Variants in NXPH1 observed in about 807,000 individuals in gnomAD.
NXPH1 encodes the protein neurexophilin 1.
Under a neutral mutation model 23.7 loss-of-function variants are expected in NXPH1, and 5 were observed. That is an observed-to-expected ratio of 0.21 (90% CI 0.11 to 0.44). The LOEUF (loss-of-function observed/expected upper bound fraction) is 0.44, where lower values mean the gene tolerates loss of function less well. NXPH1 is among the 20% of genes least tolerant of loss of function. NXPH1 has a pLI of 0.99. For missense variants in NXPH1, 324 were observed against 321.6 expected (o/e 1.01, Z -0.06); for synonymous variants, 144 against 122.2 (o/e 1.18, Z -1.18).
chr7:8,495,422 G>A (rs558553094), intron 2 of NXPH1, among the ~76,000 whole-genome samples: 39 of 151,944 alleles, frequency 2.6e-4, no homozygotes, highest in African/African-American at 8.7e-4. Flanking sequence ...CCAAACAACC[G>A]AACACCATGT....
intron 2 of NXPH1, among the ~76,000 whole-genome samples, chr7:8,454,045 C>T (rs956514366): frequency 1.3e-5 from 2 of 152,034 alleles, no homozygotes; most frequent in African/African-American, 4.8e-5. Flanking sequence ...ATGATGAGAA[C>T]ACATGGACAT....
intron 2 of NXPH1, among the ~76,000 whole-genome samples, chr7:8,746,145 A>G (rs1030847217): frequency 3.3e-5 from 5 of 152,180 alleles, no homozygotes; most frequent in Admixed American, 1.3e-4. Flanking sequence ...TTGTAGTCTC[A>G]CTATACAGCT....
At chr7:8,657,399 G>C (rs116214355) in intron 2 of NXPH1, among the ~76,000 whole-genome samples, 1 of 152,150 alleles carries the variant, frequency 6.6e-6, no homozygotes, top group Non-Finnish European at 1.5e-5. Context: ...GATAATTCCT[G>C]TATTCTTTTG....
intron 2 of NXPH1, among the ~76,000 whole-genome samples, chr7:8,633,762 T>C (rs557708608): frequency 6.6e-6 from 1 of 152,308 alleles, no homozygotes; most frequent in African/African-American, 2.4e-5. Flanking sequence ...CTGACAACAA[T>C]GCATGTTTGA....
chr7:8,699,731 T>C (rs1206243474), intron 2 of NXPH1, among the ~76,000 whole-genome samples: 4 of 152,118 alleles, frequency 2.6e-5, no homozygotes, highest in Non-Finnish European at 4.4e-5. Flanking sequence ...TGGGCCACTT[T>C]GCATTGGAAA....
rs184191585 is a variant in NXPH1 at position 8,735,757 on chromosome 7, A to C, written c.55-15251A>C. ...CTCGGTAGAATGCTACTGTGAATTC[A>C]TCTGGTTCTGGGCTTTTTTTGGTTG... On this transcript the variant is annotated intron_variant, in intron 2 of 2. Coordinates refer to ENST00000405863, the MANE Select transcript of NXPH1 (RefSeq NM_152745.3). Among the ~76,000 whole-genome samples, 29 of 152,292 alleles carry C rather than the reference A, an allele frequency of 1.9e-4. No homozygotes were observed. The East Asian group carries it at 5.4e-3, about 28-fold the overall frequency.
At chr7:8,604,729 A>G (rs1583186872) in intron 2 of NXPH1, among the ~76,000 whole-genome samples, 2 of 152,148 alleles carry the variant, frequency 1.3e-5, no homozygotes, top group South Asian at 2.1e-4. Context: ...GCAGGTTCCA[A>G]TATGGTACTA....
chr7:8,661,500 T>G lies in NXPH1; in HGVS notation c.55-89508T>G, dbSNP rs182625036. On this transcript the variant is annotated intron_variant, in intron 2 of 2. Transcript: ENST00000405863. ...GCTTTTAGCAGCCTGAAGTCATGTT[T>G]TTTGTTTTCTGTCTGAAGTGGTAAG... 1.6e-4 allele frequency among the ~76,000 whole-genome samples: 24 copies of G among 152,262 alleles called. No individual in the cohort carries two copies. The East Asian group carries it at 3.7e-3, about 23-fold the overall frequency.
intron 2 of NXPH1, among the ~76,000 whole-genome samples, chr7:8,470,667 A>G (rs75783982): frequency 0.016 from 2,437 of 152,252 alleles, 63 homozygotes; most frequent in African/African-American, 0.053. Context: ...CCCACCTTTA[A>G]GACTCTTGCT....
intron 2 of NXPH1, among the ~76,000 whole-genome samples, chr7:8,741,905 TA>T (rs1384343536): frequency 6.6e-6 from 1 of 152,022 alleles, no homozygotes; most frequent in Non-Finnish European, 1.5e-5. Flanking sequence ...ACACATGGCA[TA>T]AAATAGAAAG....
chr7:8,473,535 T>A (rs1268968702), intron 2 of NXPH1, among the ~76,000 whole-genome samples: 1 of 152,106 alleles, frequency 6.6e-6, no homozygotes, highest in Non-Finnish European at 1.5e-5. Flanking sequence ...TATTGGAGGT[T>A]TTCCATGTAA....
At position 8,442,848 on chromosome 7, in the gene NXPH1, C is replaced by T. The variant is rs1201727246; in HGVS notation, c.54+7081C>T. ...TTCTGGGTAATTTTCGTCGACGCCACCAAGCTTCGGTGCTTTTGGGACAGC... is the reference window on the plus strand; with the variant it reads ...TTCTGGGTAATTTTCGTCGACGCCATCAAGCTTCGGTGCTTTTGGGACAGC... On this transcript the variant is annotated intron_variant, in intron 2 of 2. Transcript: ENST00000405863. This position sits in a 1 kb window ranked among gnomAD's most constrained non-coding sequence, Gnocchi z 4.6. Among the ~76,000 whole-genome samples, 1 of 152,248 alleles carries T rather than the reference C, an allele frequency of 6.6e-6. No individual in the cohort carries two copies. Among genetic ancestry groups the T allele is most frequent in the Non-Finnish European group, 1.5e-5 (1 of 68,042 alleles).
intron 2 of NXPH1, among the ~76,000 whole-genome samples, chr7:8,514,904 C>T (rs1356089612): frequency 6.6e-6 from 1 of 152,086 alleles, no homozygotes; most frequent in Non-Finnish European, 1.5e-5. Flanking sequence ...GTCTTAGTTT[C>T]CAAATGTTTT....
chr7:8,717,911 T>TATAC (rs1465301244), intron 2 of NXPH1, among the ~76,000 whole-genome samples: 19 of 151,060 alleles, frequency 1.3e-4, no homozygotes, highest in African/African-American at 3.4e-4. Flanking sequence ...TATATATATA[T>TATAC]ACACAACATG....
intron 2 of NXPH1, among the ~76,000 whole-genome samples, chr7:8,497,549 C>T (rs1421389123): frequency 1.3e-5 from 2 of 152,218 alleles, no homozygotes; most frequent in South Asian, 2.1e-4. Context: ...TTAATGATCG[C>T]CATTCTAACT....
intron 2 of NXPH1, among the ~76,000 whole-genome samples, chr7:8,685,541 C>G (rs1202373105): frequency 1.3e-5 from 2 of 151,844 alleles, no homozygotes; most frequent in Non-Finnish European, 2.9e-5. Flanking sequence ...CAAATCTTAG[C>G]TATTGTAAAC....
At chr7:8,608,177 G>A (rs1208492639) in intron 2 of NXPH1, among the ~76,000 whole-genome samples, 2 of 152,156 alleles carry the variant, frequency 1.3e-5, no homozygotes, top group African/African-American at 2.4e-5. Flanking sequence ...GCAGCCTGAG[G>A]AAACTAATAC....
rs56019801 is a variant in NXPH1 at position 8,745,719 on chromosome 7, A to ATTTTT, written c.55-5271_55-5267dup. ...AGGCATGTGCCACCACGCCCAGCTA[A>ATTTTT]TTTTTTTTTTTTTTTTTTTTTTGTA... On this transcript the variant is annotated intron_variant, in intron 2 of 2. Coordinates refer to ENST00000405863, the MANE Select transcript of NXPH1 (RefSeq NM_152745.3). Among the ~76,000 whole-genome samples, 38 of 111,814 alleles carry ATTTTT rather than the reference A, an allele frequency of 3.4e-4. 1 individual carries two copies. The highest frequency in any genetic ancestry group is 1.6e-3 in the East Asian group (6 of 3,734). 73.4% of individuals were successfully genotyped at this position (111,814 alleles called of 152,430 possible).
intron 2 of NXPH1, among the ~76,000 whole-genome samples, chr7:8,633,083 A>C (rs1820159040): frequency 6.6e-6 from 1 of 152,214 alleles, no homozygotes; most frequent in South Asian, 2.1e-4. Flanking sequence ...CATGCAACCA[A>C]ACTCACATAA....
Sources: allele counts gnomAD v4.1 joint callset (sites outside exome capture counted in the v4.1 genomes callset), GRCh38; gene constraint gnomAD v4.1.1; non-coding constraint Gnocchi (gnomAD v3.1); transcripts MANE v1.5; gene names NCBI Gene and HGNC (gene_info 2026-07-23, HGNC 2026-07-21).